XPA: variants seen among roughly 807,000 people sequenced by gnomAD.
XPA encodes the protein XPA, DNA damage recognition and repair factor.
XPA carries 27 observed loss-of-function variants against 35.7 expected under a neutral mutation model. That is an observed-to-expected ratio of 0.76 (90% CI 0.56 to 1.04). The LOEUF (loss-of-function observed/expected upper bound fraction) is 1.04, where lower values mean the gene tolerates loss of function less well. Among genes scored for constraint, XPA ranks in the 50% least tolerant of loss-of-function variants. The pLI is 0.00. For missense variants in XPA, 354 were observed against 342.7 expected, an observed-to-expected ratio of 1.03 and a Z score of -0.26; for synonymous variants, 133 against 118.4, an observed-to-expected ratio of 1.12 and a Z score of -0.80.
intron 4 of XPA, among the ~76,000 whole-genome samples, chr9:97,686,332 T>G (rs932518077): frequency 6.6e-6 from 1 of 152,156 alleles, no homozygotes. Context: ...AGCCACTAAG[T>G]GGATCACCGT....
intron 1 of XPA, 23 bp downstream of exon 1, chr9:97,697,098 G>A: frequency 3.3e-6 from 5 of 1,523,972 alleles, no homozygotes; most frequent in Non-Finnish European, 4.4e-6. Context: ...GAGGGAAGGG[G>A]AAAGCGCGGA....
At chr9:97,660,628 T>C in the XPA span, among the ~76,000 whole-genome samples, 1 of 152,178 alleles carries the variant, frequency 6.6e-6, no homozygotes, top group African/African-American at 2.4e-5. Context: ...TAAAAGACAG[T>C]TTAACTGTGT....
At chr9:97,697,073 C>A (rs1564052417) in intron 1 of XPA, 48 bp downstream of exon 1, 1 of 1,502,318 alleles carries the variant, frequency 6.7e-7, no homozygotes, top group Admixed American at 2.1e-5. Context: ...AGTCTGGGGA[C>A]CGGGGAGGCG....
chr9:97,685,762 T>G (rs1828697610), intron 4 of XPA, among the ~76,000 whole-genome samples: 1 of 152,202 alleles, frequency 6.6e-6, no homozygotes, highest in Non-Finnish European at 1.5e-5. Context: ...CATCACGTTT[T>G]CCGCAATTTA....
At chr9:97,686,387 A>G (rs1054885582) in intron 4 of XPA, among the ~76,000 whole-genome samples, 9 of 152,182 alleles carry the variant, frequency 5.9e-5, no homozygotes, top group Non-Finnish European at 8.8e-5. Flanking sequence ...AGTTGAGACG[A>G]TCTGCTCTGA....
At chr9:97,668,169 A>G in the XPA span, among the ~76,000 whole-genome samples, 1 of 152,198 alleles carries the variant, frequency 6.6e-6, no homozygotes, top group African/African-American at 2.4e-5. Flanking sequence ...AACACCTTAG[A>G]GCCACGTTCT....
At chr9:97,678,052 CAT>C (rs1189707297) in intron 5 of XPA, among the ~76,000 whole-genome samples, 49 of 152,228 alleles carry the variant, frequency 3.2e-4, no homozygotes, top group African/African-American at 1.2e-3. Context: ...TAGACAGAGA[CAT>C]AGAAATACAG....
At chr9:97,660,898 T>G in the XPA span, 7 of 1,555,478 alleles carry the variant, frequency 4.5e-6, no homozygotes, top group African/African-American at 9.7e-5. Flanking sequence ...ATTAGAATAG[T>G]CTTGAAACCT....
At chr9:97,671,377 C>T, downstream of XPA, 2 of 542,816 alleles carry the variant, frequency 3.7e-6, no homozygotes, top group Non-Finnish European at 6.5e-6. Context: ...AAAGCAAATA[C>T]TTCCTAACGG....
the XPA span, among the ~76,000 whole-genome samples, chr9:97,656,408 C>T: frequency 6.6e-6 from 1 of 152,168 alleles, no homozygotes; most frequent in Admixed American, 6.5e-5. Flanking sequence ...TGGGGAAACC[C>T]CCTCTCTACT....
At chr9:97,681,705 T>G (rs1022677805) in intron 5 of XPA, among the ~76,000 whole-genome samples, 1 of 152,176 alleles carries the variant, frequency 6.6e-6, no homozygotes, top group African/African-American at 2.4e-5. Context: ...CATCTAATAT[T>G]AAGGCCTGTG....
chr9:97,679,955 A>AG (rs1480903139), intron 5 of XPA, among the ~76,000 whole-genome samples: 1 of 152,200 alleles, frequency 6.6e-6, no homozygotes, highest in Non-Finnish European at 1.5e-5. Context: ...ATCTGAATGG[A>AG]GGGACACACT....
At chr9:97,690,802 C>T (rs1345782310) in intron 2 of XPA, among the ~76,000 whole-genome samples, 2 of 152,326 alleles carry the variant, frequency 1.3e-5, no homozygotes, top group South Asian at 2.1e-4. Flanking sequence ...GGATTACAGG[C>T]GTGAGCCACC....
Position 97,697,261 on chromosome 9 carries a change from G to C in XPA, c.32C>G (p.Ala11Gly). 1 of 1,599,424 alleles carries C rather than the reference G, an allele frequency of 6.3e-7. No homozygotes were observed. ...CTCCGCGGGTTGCTCTAAAGCCGCCGCCTCCGGCAAAGCCCCGTCGGCCGC... is the reference window on the plus strand; with the variant it reads ...CTCCGCGGGTTGCTCTAAAGCCGCCCCCTCCGGCAAAGCCCCGTCGGCCGC... MAAADGALPE[A>G]AALEQPAELP... Residue 11 changes from alanine to glycine, a missense_variant, in exon 1 of 6, where the codon GCG becomes GGG. By Grantham distance (60) the Ala-to-Gly change is moderately conservative. Transcript: ENST00000375128.
the XPA span, among the ~76,000 whole-genome samples, chr9:97,664,164 G>A: frequency 1.3e-5 from 2 of 152,032 alleles, no homozygotes; most frequent in Non-Finnish European, 2.9e-5. Flanking sequence ...AGGTGACAGA[G>A]CAACTCTGTC....
chr9:97,689,409 T>C (rs1701944692), intron 3 of XPA, 125 bp downstream of exon 3: 2 of 710,718 alleles, frequency 2.8e-6, no homozygotes, highest in South Asian at 1.7e-5. Flanking sequence ...ATAGAAATTT[T>C]AGGAAACACC....
At chr9:97,675,649 A>G (rs1828339186) in intron 5 of XPA, 62 bp from the exon 6 acceptor site, 1 of 1,601,640 alleles carries the variant, frequency 6.2e-7, no homozygotes, top group Non-Finnish European at 8.6e-7. Context: ...CCAAAAATCC[A>G]ACTCCATCAA....
chr9:97,665,641 G>A, the XPA span, among the ~76,000 whole-genome samples: 1 of 152,272 alleles, frequency 6.6e-6, no homozygotes, highest in Admixed American at 6.5e-5. Context: ...GGAGTTTTAT[G>A]AACAGATTGT....
At chr9:97,678,066 T>TA (rs1362843597) in intron 5 of XPA, among the ~76,000 whole-genome samples, 1 of 152,142 alleles carries the variant, frequency 6.6e-6, no homozygotes, top group Admixed American at 6.6e-5. Context: ...GAAATACAGA[T>TA]ACATGTGTTG....
Sources: gnomAD v4.1 joint callset for allele counts (sites outside exome capture counted in the v4.1 genomes callset) on GRCh38, gnomAD v4.1.1 for gene constraint, MANE v1.5 for transcripts, NCBI Gene and HGNC (gene_info 2026-07-23, HGNC 2026-07-21) for gene names.